The following SPCS2 variants were observed in gnomAD, a reference collection of about 807,000 sequenced individuals.
SPCS2 encodes the protein signal peptidase complex subunit 2.
A neutral mutation model predicts 22.3 loss-of-function variants in SPCS2; 3 were observed. The observed-to-expected ratio is 0.13, with a 90% CI of 0.06 to 0.35. SPCS2 has a LOEUF of 0.35. Ranked by LOEUF, SPCS2 falls within the 10% of genes least tolerant of loss-of-function variation. The pLI is 1.00. For missense variants in SPCS2, 169 were observed against 280.9 expected, an observed-to-expected ratio of 0.60 and a Z score of 2.85; for synonymous variants, 67 against 97.2, an observed-to-expected ratio of 0.69 and a Z score of 1.83.
In SPCS2 at chr11:74,965,990, C is replaced by A. The variant is rs1459517865; in HGVS notation, c.359+67C>A. 3 of 1,453,990 alleles carry A rather than the reference C, an allele frequency of 2.1e-6. No individual in the cohort carries two copies. The South Asian group carries it at 4.1e-5, about 20-fold the overall frequency. 90.1% of individuals were successfully genotyped at this position (1,453,990 alleles called of 1,614,324 possible). A position where few individuals can be genotyped will look rare whatever the true frequency, so the allele number is the denominator to read the frequency against. On this transcript the variant is annotated intron_variant, in intron 3 of 4. Coordinates refer to ENST00000263672, the MANE Select transcript of SPCS2 (RefSeq NM_014752.3). ...TTTTTAAATCTGCTGATATTTCTCCCTACAAAAAACAAAACGGACTTTCAT... is the reference window on the plus strand; with the variant it reads ...TTTTTAAATCTGCTGATATTTCTCCATACAAAAAACAAAACGGACTTTCAT...
At chr11:74,971,399 CTTTG>C (rs994679632) in intron 4 of SPCS2, among the ~76,000 whole-genome samples, 5 of 152,214 alleles carry the variant, frequency 3.3e-5, no homozygotes, top group Admixed American at 2.6e-4. Flanking sequence ...TGCTAACTCT[CTTTG>C]TTTGATGAAC....
rs997567082 is a variant in SPCS2, at chr11:74,962,336, G to A, written c.115-2698G>A. 5.9e-5 allele frequency among the ~76,000 whole-genome samples: 9 copies of A among 152,176 alleles called. No homozygotes were observed. The East Asian group carries it at 1.5e-3, about 26-fold the overall frequency. On this transcript the variant is annotated intron_variant, in intron 1 of 4. Transcript: ENST00000263672. ...GTGTAGGGATTTGTTTTATCAGCCA[G>A]CTTGTCAGATACCAGCCAAGGGCCA...
chr11:74,963,481 G>T, intron 1 of SPCS2: 2 of 336,722 alleles, frequency 5.9e-6, no homozygotes, highest in South Asian at 2.4e-5. Context: ...TTGATGAATT[G>T]TATTTCTGTA....
chr11:74,969,633 C>T lies in SPCS2; in HGVS notation c.428C>T (p.Ala143Val). The T allele has an allele frequency of 6.2e-7, 1 of 1,612,868 alleles. No homozygotes were observed. Among genetic ancestry groups the T allele is most frequent in the Non-Finnish European group, 8.5e-7 (1 of 1,178,932 alleles). ...SYKEKSIFLV[A>V]HRKDPTGMDP... ...AAGGAGAAGAGCATCTTTCTCGTGG[C>T]CCACAGGAAAGATCCTACAGGAATG... Residue 143 changes from alanine to valine, a missense_variant, in exon 4 of 5, where the codon GCC (alanine) becomes GTC (valine). Ala to Val is a moderately conservative substitution (Grantham distance 64, BLOSUM62 0). Transcript: ENST00000263672.
At chr11:74,959,165 T>C (rs749872463) in intron 1 of SPCS2, among the ~76,000 whole-genome samples, 5 of 152,210 alleles carry the variant, frequency 3.3e-5, no homozygotes, top group Non-Finnish European at 4.4e-5. Context: ...AGGGTCACCA[T>C]TGACACCACT....
At chr11:74,957,129 C>CATATCTAG (rs1198924836) in intron 1 of SPCS2, among the ~76,000 whole-genome samples, 2 of 152,060 alleles carry the variant, frequency 1.3e-5, no homozygotes, top group Non-Finnish European at 1.5e-5. Flanking sequence ...ATGACTATAT[C>CATATCTAG]CCTAGTGGCT....
rs146687798 is a variant in SPCS2, at chr11:74,951,703, G to A, written c.114+2304G>A. 4.7e-3 allele frequency among the ~76,000 whole-genome samples: 718 copies of A among 151,432 alleles called. 10 individuals carry two copies. The highest frequency in any genetic ancestry group is 0.017 in the African/African-American group (681 of 41,242). On this transcript the variant is annotated intron_variant, in intron 1 of 4. Coordinates refer to ENST00000263672, the MANE Select transcript of SPCS2 (RefSeq NM_014752.3). The stretch of plus-strand genomic sequence containing the variant: ...TGCATGCCTGTAATCCCACCTACTC[G>A]GGAGGCTGAGGCAGGAGAATCGCTT...
chr11:74,978,082 T>A lies in SPCS2; in HGVS notation c.*1039T>A, dbSNP rs995512283. On this transcript the variant is annotated 3_prime_UTR_variant, in exon 5 of 5. Transcript: ENST00000263672. ...AGAACTGGGATTCAAACCTGGGGAG[T>A]CCGGCTTCAGAGTTTGTGGTCCTGC... 1 of 152,038 alleles carries A rather than the reference T, an allele frequency of 6.6e-6. No homozygotes were observed. The highest frequency in any genetic ancestry group is 1.5e-5 in the Non-Finnish European group (1 of 68,006). 9.4% of individuals were successfully genotyped at this position (152,038 alleles called of 1,614,324 possible).
In SPCS2 at chr11:74,966,415, T is replaced by C. The variant is rs59478131; in HGVS notation, c.359+492T>C. On this transcript the variant is annotated intron_variant, in intron 3 of 4. Coordinates refer to ENST00000263672, the MANE Select transcript of SPCS2 (RefSeq NM_014752.3). ...GTATTACAGTGGAATTAAGAACTTA[T>C]TCTGGAGCTAGAGAATATGGGTTTG... is the stretch of plus-strand genomic sequence containing the variant. Among the ~76,000 whole-genome samples the C allele has an allele frequency of 2.5e-3, 385 of 152,376 alleles. 1 individual carries two copies. The highest frequency in any genetic ancestry group is 8.9e-3 in the African/African-American group (370 of 41,592).
rs1241219971 is a variant in SPCS2, at chr11:74,965,078, A to C, written c.159A>C (p.Gly53=). ...CTGTAAAAATTGACAAGTGGGATGG[A>C]TCAGCTGTGAAAAACTCTTTGGATG... ...DKPVKIDKWD[G]SAVKNSLDDS... is the part of the protein sequence containing the mutation. Residue 53 remains glycine (G), a synonymous_variant, in exon 2 of 5, where the codon GGA becomes GGC. Coordinates refer to ENST00000263672, the MANE Select transcript of SPCS2 (RefSeq NM_014752.3). 1 of 1,551,438 alleles carries C rather than the reference A, an allele frequency of 6.4e-7. No individual in the cohort carries two copies. The highest frequency in any genetic ancestry group is 2.4e-5 in the East Asian group (1 of 40,900).
At chr11:74,960,180 A>C (rs1472517389) in intron 1 of SPCS2, among the ~76,000 whole-genome samples, 1 of 152,158 alleles carries the variant, frequency 6.6e-6, no homozygotes, top group East Asian at 1.9e-4. Flanking sequence ...AAAAATACAA[A>C]AATTAGCTGA....
intron 1 of SPCS2, among the ~76,000 whole-genome samples, chr11:74,952,140 A>G (rs1432731917): frequency 1.3e-5 from 2 of 152,204 alleles, no homozygotes; most frequent in Non-Finnish European, 2.9e-5. Context: ...GACAGAAATT[A>G]GAAGACTTCT....
At chr11:74,969,207 G>T (rs894908610) in intron 3 of SPCS2, among the ~76,000 whole-genome samples, 1 of 152,124 alleles carries the variant, frequency 6.6e-6, no homozygotes, top group Non-Finnish European at 1.5e-5. Context: ...CAAGTCCACT[G>T]GGACTATTCG....
rs1948278952 is a variant in SPCS2, at chr11:74,949,292, G to A, written c.7G>A (p.Ala3Thr). MAAAAVQGGRSGG... is the reference protein window; with the variant it reads MATAAVQGGRSGG... ...AGACGCAGAGGCGGACAAGATGGCGGCGGCAGCTGTACAGGGCGGGAGAAG... is the reference window on the plus strand; with the variant it reads ...AGACGCAGAGGCGGACAAGATGGCGACGGCAGCTGTACAGGGCGGGAGAAG... Residue 3 changes from alanine to threonine, a missense_variant, in exon 1 of 5, where the codon GCG becomes ACG. Transcript: ENST00000263672. 1 of 1,538,334 alleles carries A rather than the reference G, an allele frequency of 6.5e-7. No individual in the cohort carries two copies.
chr11:74,970,820 A>AT (rs1050098677), intron 4 of SPCS2, among the ~76,000 whole-genome samples: 2 of 152,164 alleles, frequency 1.3e-5, no homozygotes, highest in African/African-American at 4.8e-5. Context: ...TAATTTCATT[A>AT]TTTTTATTCT....
intron 4 of SPCS2, 50 bp downstream of exon 4, chr11:74,969,749 G>A: frequency 6.2e-7 from 1 of 1,608,932 alleles, no homozygotes. Context: ...ATTTGCCCTG[G>A]CATGTTGTCA....
At chr11:74,954,696 T>C (rs1948466320) in intron 1 of SPCS2, among the ~76,000 whole-genome samples, 1 of 152,160 alleles carries the variant, frequency 6.6e-6, no homozygotes, top group Admixed American at 6.5e-5. Flanking sequence ...TGATCTTTAT[T>C]AGCGTCTCAA....
chr11:74,955,247 A>G, intron 1 of SPCS2, among the ~76,000 whole-genome samples: 1 of 152,206 alleles, frequency 6.6e-6, no homozygotes, highest in East Asian at 1.9e-4. Context: ...AGAGAACTGA[A>G]AATGTGTGTC....
intron 4 of SPCS2, among the ~76,000 whole-genome samples, chr11:74,974,129 G>A (rs1948602854): frequency 6.6e-6 from 1 of 150,970 alleles, no homozygotes; most frequent in African/African-American, 2.4e-5. Flanking sequence ...TTTTAACTAG[G>A]CTTCTCAGAT....
Sources: gnomAD v4.1 joint callset for allele counts (sites outside exome capture counted in the v4.1 genomes callset) on GRCh38, gnomAD v4.1.1 for gene constraint, MANE v1.5 for transcripts, NCBI Gene and HGNC (gene_info 2026-07-23, HGNC 2026-07-21) for gene names.